The following SUCLG2 variants were observed in gnomAD, a reference collection of about 807,000 sequenced individuals.
SUCLG2 encodes succinate-CoA ligase GDP-forming subunit beta.
SUCLG2 carries 42 observed loss-of-function variants against 47.9 expected under a neutral mutation model. That is an observed-to-expected ratio of 0.88 (90% CI 0.69 to 1.14). The LOEUF (loss-of-function observed/expected upper bound fraction) is 1.14, where lower values mean the gene tolerates loss of function less well. SUCLG2 is among the 50% of genes most tolerant of loss of function. The pLI, the probability that SUCLG2 is intolerant of heterozygous loss-of-function variation, is 0.00. For missense variants in SUCLG2, 571 were observed against 525.9 expected (o/e 1.09, Z -0.84); for synonymous variants, 195 against 197.3 (o/e 0.99, Z 0.10).
At chr3:67,447,487 A>G (rs531037976) in intron 9 of SUCLG2, among the ~76,000 whole-genome samples, 52 of 152,314 alleles carry the variant, frequency 3.4e-4, no homozygotes, top group African/African-American at 1.3e-3. Context: ...TATGCCCACA[A>G]TCTGGGGGTA....
Position 67,429,603 on chromosome 3 carries a change from T to C in SUCLG2, c.1063-28752A>G, listed in dbSNP as rs1703422311. ...GGAACAAATTCACACATAACAATATTAACCTTAAATGTAAATGAGCTAAAT... is the reference window on the plus strand; with the variant it reads ...GGAACAAATTCACACATAACAATATCAACCTTAAATGTAAATGAGCTAAAT... On this transcript the variant is annotated intron_variant, in intron 9 of 10. Transcript: ENST00000307227. Among the ~76,000 whole-genome samples the C allele has an allele frequency of 4.6e-5, 7 of 152,244 alleles. No homozygotes were observed. The South Asian group carries it at 1.5e-3, about 32-fold the overall frequency.
Position 67,500,308 on chromosome 3 carries a change from C to T in SUCLG2, c.758-2013G>A, listed in dbSNP as rs181998622. 3.6e-3 allele frequency among the ~76,000 whole-genome samples: 544 copies of T among 152,288 alleles called. 4 individuals carry two copies. The highest frequency in any genetic ancestry group is 0.013 in the African/African-American group (524 of 41,550). ...GGGTTTCCCTACCACAATATTCAAG[C>T]ACTTTGATACAAATCTGTGTAGACC... is the stretch of plus-strand genomic sequence containing the variant. On this transcript the variant is annotated intron_variant, in intron 7 of 10. Coordinates refer to ENST00000307227, the MANE Select transcript of SUCLG2 (RefSeq NM_003848.4).
chr3:67,528,701 A>C (rs1369199515), intron 3 of SUCLG2, among the ~76,000 whole-genome samples: 1 of 152,206 alleles, frequency 6.6e-6, no homozygotes, highest in African/African-American at 2.4e-5. Context: ...GCTCAAATAA[A>C]GGAAGGCTTG....
chr3:67,501,577 T>C (rs1380289192), intron 7 of SUCLG2, among the ~76,000 whole-genome samples: 1 of 152,122 alleles, frequency 6.6e-6, no homozygotes, highest in Non-Finnish European at 1.5e-5. Context: ...GGAGAGTCTT[T>C]TGTTCTATTA....
chr3:67,595,524 G>GCACA (rs1708273106), intron 2 of SUCLG2, among the ~76,000 whole-genome samples: 1 of 152,120 alleles, frequency 6.6e-6, no homozygotes, highest in African/African-American at 2.4e-5. Context: ...GTGAAGAGAT[G>GCACA]GCTCTGCGTC....
intron 1 of SUCLG2, among the ~76,000 whole-genome samples, chr3:67,618,895 A>G (rs1343575217): frequency 1.3e-5 from 2 of 152,234 alleles, no homozygotes; most frequent in Non-Finnish European, 2.9e-5. Context: ...CAAGAGAAAC[A>G]ACACTTGAGT....
intron 9 of SUCLG2, among the ~76,000 whole-genome samples, chr3:67,406,866 A>G (rs1432062656): frequency 1.3e-5 from 2 of 152,184 alleles, no homozygotes; most frequent in Non-Finnish European, 2.9e-5. Flanking sequence ...TTTAACCTTC[A>G]TTTTATAGAT....
intron 1 of SUCLG2, among the ~76,000 whole-genome samples, chr3:67,612,947 G>A (rs897038577): frequency 6.6e-6 from 1 of 152,172 alleles, no homozygotes; most frequent in African/African-American, 2.4e-5. Context: ...TATTTATAAA[G>A]GATATGACAA....
intron 1 of SUCLG2, among the ~76,000 whole-genome samples, chr3:67,639,694 C>A (rs1268898403): frequency 6.6e-6 from 1 of 152,158 alleles, no homozygotes; most frequent in African/African-American, 2.4e-5. Flanking sequence ...AGCAAAGTCA[C>A]CCTCTTTGGG....
At chr3:67,360,808 G>A (rs537249942) in intron 10 of SUCLG2, 1 of 1,460,552 alleles carries the variant, frequency 6.8e-7, no homozygotes. Context: ...GTTTTTTCTT[G>A]CAATATATTT....
intron 1 of SUCLG2, among the ~76,000 whole-genome samples, chr3:67,644,030 A>G (rs1334886595): frequency 6.6e-6 from 1 of 152,250 alleles, no homozygotes; most frequent in Non-Finnish European, 1.5e-5. Flanking sequence ...ATCAATGAAT[A>G]TGAATATACA....
At chr3:67,417,636 G>C (rs1703065591) in intron 9 of SUCLG2, among the ~76,000 whole-genome samples, 1 of 152,196 alleles carries the variant, frequency 6.6e-6, no homozygotes, top group South Asian at 2.1e-4. Context: ...GTAGGATCCT[G>C]AGTAGGAGAT....
At chr3:67,462,044 CAT>C (rs568466489) in intron 9 of SUCLG2, among the ~76,000 whole-genome samples, 1 of 152,026 alleles carries the variant, frequency 6.6e-6, no homozygotes, top group Non-Finnish European at 1.5e-5. Context: ...TATTATTTTA[CAT>C]ATATATATGT....
intron 10 of SUCLG2, among the ~76,000 whole-genome samples, chr3:67,397,574 C>T (rs1201476286): frequency 5.3e-5 from 8 of 152,060 alleles, no homozygotes; most frequent in South Asian, 2.1e-4. Context: ...GAATCAATAT[C>T]GTGAAAATGG....
chr3:67,483,318 C>A (rs535206736), intron 9 of SUCLG2, among the ~76,000 whole-genome samples: 6 of 152,264 alleles, frequency 3.9e-5, no homozygotes, highest in Admixed American at 3.9e-4. Flanking sequence ...GAGGACAACT[C>A]CGAGGGGCAG....
intron 9 of SUCLG2, among the ~76,000 whole-genome samples, chr3:67,463,000 G>A (rs556258448): frequency 6.6e-6 from 1 of 152,318 alleles, no homozygotes; most frequent in African/African-American, 2.4e-5. Context: ...TGTGAAAATA[G>A]AGAAAATACA....
At chr3:67,582,197 T>C (rs893635472) in intron 2 of SUCLG2, among the ~76,000 whole-genome samples, 2 of 152,196 alleles carry the variant, frequency 1.3e-5, no homozygotes, top group African/African-American at 4.8e-5. Context: ...GTTTGTTATA[T>C]AGATTTTTTG....
chr3:67,469,304 AGGAGAAATCAGTG>A (rs1436179476), intron 9 of SUCLG2, among the ~76,000 whole-genome samples: 1 of 152,228 alleles, frequency 6.6e-6, no homozygotes, highest in East Asian at 1.9e-4. Flanking sequence ...TGAGAGATTC[AGGAGAAATCAGTG>A]GGGAACCTAA....
At chr3:67,580,999 G>T (rs571731493) in intron 2 of SUCLG2, among the ~76,000 whole-genome samples, 1 of 152,174 alleles carries the variant, frequency 6.6e-6, no homozygotes, top group Admixed American at 6.5e-5. Context: ...AATTGTGTTT[G>T]TGTTCCTGAA....
Sources: allele counts gnomAD v4.1 joint callset (sites outside exome capture counted in the v4.1 genomes callset), GRCh38; gene constraint gnomAD v4.1.1; transcripts MANE v1.5; gene names NCBI Gene and HGNC (gene_info 2026-07-23, HGNC 2026-07-21).